Variants in EXOC7 observed in about 807,000 individuals in gnomAD.
EXOC7 encodes exocyst complex component Exo70.
A neutral mutation model predicts 87.6 loss-of-function variants in EXOC7; 51 were observed. The ratio of observed to expected loss-of-function variants is 0.58; its 90% CI spans 0.46 to 0.73. The LOEUF is 0.73. EXOC7 is among the 30% of genes least tolerant of loss of function. The pLI, the probability that EXOC7 is intolerant of heterozygous loss-of-function variation, is 0.00. For missense variants in EXOC7, 744 were observed against 888.4 expected, an observed-to-expected ratio of 0.84 and a Z score of 2.07; for synonymous variants, 327 against 357.1, an observed-to-expected ratio of 0.92 and a Z score of 0.95.
At position 76,082,985 on chromosome 17, in the gene EXOC7, T is replaced by A; in HGVS notation, c.*663A>T. On this transcript the variant is annotated 3_prime_UTR_variant, in exon 19 of 19. Transcript: ENST00000589210. The stretch of plus-strand genomic sequence containing the variant: ...TGCCTGGCCCTGGGCCAAGAGGCAC[T>A]GAGGCTGGGGGCCAGAGACAGGGGC... 2 of 221,598 alleles carry A rather than the reference T, an allele frequency of 9.0e-6. No individual in the cohort carries two copies. The highest frequency in any genetic ancestry group is 2.3e-5 in the African/African-American group (1 of 43,816). 13.7% of individuals were successfully genotyped at this position (221,598 alleles called of 1,614,324 possible).
chr17:76,095,103 G>A (rs1029006437), intron 5 of EXOC7, among the ~76,000 whole-genome samples: 4 of 152,008 alleles, frequency 2.6e-5, no homozygotes, highest in Admixed American at 2.6e-4. Flanking sequence ...TGGGATTACA[G>A]GCATGAGCCA....
intron 5 of EXOC7, among the ~76,000 whole-genome samples, chr17:76,096,344 T>A (rs2067749256): frequency 6.6e-6 from 1 of 151,162 alleles, no homozygotes. Context: ...TGAAACCCTG[T>A]CCCTACCAAA....
At chr17:76,098,865 CA>C (rs55644538) in intron 4 of EXOC7, among the ~76,000 whole-genome samples, 2,233 of 106,830 alleles carry the variant, frequency 0.021, 45 homozygotes, top group African/African-American at 0.067. Flanking sequence ...GACTCCGTCT[CA>C]AAAAAAAAAA....
Position 76,097,429 on chromosome 17 carries a change from C to G in EXOC7, c.640+367G>C, listed in dbSNP as rs1317963207. Among the ~76,000 whole-genome samples the G allele has an allele frequency of 2.6e-5, 4 of 152,014 alleles. 1 individual carries two copies. The highest frequency in any genetic ancestry group is 4.1e-4 in the South Asian group (2 of 4,824). ...GGATTAAAGAATAAAGGGGGCCAGGCATGGTGGCTCACATCTGTAATCCCA... is the reference window on the plus strand; with the variant it reads ...GGATTAAAGAATAAAGGGGGCCAGGGATGGTGGCTCACATCTGTAATCCCA... On this transcript the variant is annotated intron_variant, in intron 5 of 18. Transcript: ENST00000589210.
chr17:76,081,787 G>A lies in EXOC7; in HGVS notation c.*1861C>T, dbSNP rs1385716530. The A allele has an allele frequency of 1.9e-6, 3 of 1,613,570 alleles. No homozygotes were observed. Among genetic ancestry groups the A allele is most frequent in the South Asian group, 2.2e-5 (2 of 91,074 alleles). On this transcript the variant is annotated 3_prime_UTR_variant, in exon 19 of 19. Transcript: ENST00000589210. ...CCTGCTCCCTTACCCAGTCTGCCCT[G>A]TTTCTCCCCGGTCACCCACTGGTGC...
At chr17:76,085,235 G>A in intron 15 of EXOC7, 79 bp downstream of exon 15, 1 of 1,178,948 alleles carries the variant, frequency 8.5e-7, no homozygotes, top group Non-Finnish European at 1.2e-6. Context: ...GACCGACTCT[G>A]TGTCCTGAGG....
intron 16 of EXOC7, 54 bp from the exon 17 acceptor site, chr17:76,084,343 T>G: frequency 6.2e-7 from 1 of 1,611,632 alleles, no homozygotes; most frequent in Non-Finnish European, 8.5e-7. Flanking sequence ...AGAGCAGCCT[T>G]CCCCCACTCT....
Position 76,101,376 on chromosome 17 carries a change from G to A in EXOC7, c.312C>T (p.Gly104=). 1 of 1,614,046 alleles carries A rather than the reference G, an allele frequency of 6.2e-7. No homozygotes were observed. The highest frequency in any genetic ancestry group is 8.5e-7 in the Non-Finnish European group (1 of 1,179,984). The change falls in exon 4 of 19, where the codon GGC becomes GGT. Residue 104 remains glycine (G), a splice_region_variant and synonymous_variant. Coordinates refer to ENST00000589210, the MANE Select transcript of EXOC7 (RefSeq NM_001013839.4). Reference sequence around the variant, plus strand: ...GGTACTCTTCCAGCCTACCTGTGGGGCTGGGAAAGAAAAGAGCCAGGTCAG... The same window carrying A: ...GGTACTCTTCCAGCCTACCTGTGGGACTGGGAAAGAAAAGAGCCAGGTCAG... ...ASDTEKIIRE[G]PTGRLEEYLG...
intron 13 of EXOC7, 120 bp downstream of exon 13, chr17:76,085,960 C>G: frequency 1.3e-6 from 2 of 1,513,648 alleles, no homozygotes; most frequent in Admixed American, 1.9e-5. Flanking sequence ...GTTGTGGTTC[C>G]AAAGATCAGA....
chr17:76,081,194 C>A lies in EXOC7; in HGVS notation c.*2454G>T, dbSNP rs905087212. 3 of 1,574,870 alleles carry A rather than the reference C, an allele frequency of 1.9e-6. No homozygotes were observed. In the African/African-American group the frequency reaches 4.0e-5, roughly 21 times the overall value. ...CAAAAGCCATCAAAAGTCTCCATCA[C>A]CCCTGGGCTCCAGTCTGCTACCCCC... On this transcript the variant is annotated 3_prime_UTR_variant, in exon 19 of 19. Coordinates refer to ENST00000589210, the MANE Select transcript of EXOC7 (RefSeq NM_001013839.4).
At chr17:76,085,176 A>T in intron 15 of EXOC7, 138 bp downstream of exon 15, 1 of 725,290 alleles carries the variant, frequency 1.4e-6, no homozygotes, top group Admixed American at 2.3e-5. Context: ...CGTGAGTTTG[A>T]TTAGAAACCA....
rs749747597 is a variant in EXOC7, at chr17:76,086,140, T to C, written c.1435A>G (p.Ser479Gly). 7.4e-6 allele frequency: 12 copies of C among 1,613,638 alleles called. No homozygotes were observed. Among genetic ancestry groups the C allele is most frequent in the Admixed American group, 1.7e-5 (1 of 59,996 alleles). ...GAGCTGTAGCTGGTGGCCGAAGAGC[T>C]GGTCTCTGTGAGAGGAGAAGTCCTG... ...AGAMLASQET[S>G]SSATSYSSEF... Residue 479 changes from serine to glycine, a missense_variant, in exon 13 of 19, where the codon AGC (serine) becomes GGC (glycine). Ser to Gly is a moderately conservative substitution (Grantham distance 56, BLOSUM62 0). Around this residue, in one of 3 missense-constraint regions of EXOC7, gnomAD observed 228 missense variants for 298.6 expected, o/e 0.76. Coordinates refer to ENST00000589210, the MANE Select transcript of EXOC7 (RefSeq NM_001013839.4).
At chr17:76,099,117 C>T (rs2666009) in intron 4 of EXOC7, among the ~76,000 whole-genome samples, 68,679 of 151,954 alleles carry the variant, frequency 0.45, 15,818 homozygotes, top group South Asian at 0.64. Flanking sequence ...TCTGTCCACA[C>T]GATGACATAT....
At chr17:76,097,703 C>CAAA (rs57781252) in intron 5 of EXOC7, 93 bp downstream of exon 5, 68 of 318,264 alleles carry the variant, frequency 2.1e-4, no homozygotes, top group Admixed American at 4.1e-4. Flanking sequence ...GACTCCATCT[C>CAAA]AAAAAAAAAA....
intron 4 of EXOC7, among the ~76,000 whole-genome samples, chr17:76,098,963 T>G (rs2067920688): frequency 6.6e-6 from 1 of 151,602 alleles, no homozygotes; most frequent in African/African-American, 2.4e-5. Context: ...AATAAATAAA[T>G]AAATTGAACA....
chr17:76,103,330 T>C, intron 2 of EXOC7, 31 bp downstream of exon 2: 1 of 1,564,156 alleles, frequency 6.4e-7, no homozygotes, highest in Non-Finnish European at 8.7e-7. Flanking sequence ...TCCGGAGGCC[T>C]GCCCTCTCCC....
chr17:76,086,228 A>G, intron 12 of EXOC7, 83 bp from the exon 13 acceptor site: 1 of 1,343,638 alleles, frequency 7.4e-7, no homozygotes, highest in Non-Finnish European at 1.0e-6. Flanking sequence ...CAGCAGTCTG[A>G]GGGGACACTG....
At chr17:76,086,048 A>G (rs1395372924) in intron 13 of EXOC7, 32 bp downstream of exon 13, 1 of 1,609,444 alleles carries the variant, frequency 6.2e-7, no homozygotes, top group Non-Finnish European at 8.5e-7. Context: ...TGCAGGCAGC[A>G]GGGCTGCTGG....
rs143922990 is a variant in EXOC7, at chr17:76,081,512, C to G, written c.*2136G>C. The G allele has an allele frequency of 6.3e-5, 101 of 1,611,166 alleles. 1 individual carries two copies. The African/African-American group carries it at 9.9e-4, about 16-fold the overall frequency. On this transcript the variant is annotated 3_prime_UTR_variant, in exon 19 of 19. Transcript: ENST00000589210. ...CCCCCGATGCCCACCTCCTTCCCCC[C>G]CGCCGGGAAGGCCCTGACTTTTCCC...
Sources: gnomAD v4.1 joint callset for allele counts (sites outside exome capture counted in the v4.1 genomes callset) on GRCh38, gnomAD v4.1.1 for gene constraint, gnomAD v4.1.1 regional missense constraint, MANE v1.5 for transcripts, NCBI Gene and HGNC (gene_info 2026-07-23, HGNC 2026-07-21) for gene names.